RUFY2: variants seen among roughly 807,000 people sequenced by gnomAD.
The protein encoded by RUFY2 is RUN and FYVE domain-containing protein 2.
A neutral mutation model predicts 94.4 loss-of-function variants in RUFY2; 49 were observed. That is an observed-to-expected ratio of 0.52 (90% CI 0.41 to 0.66). The LOEUF is 0.66. Ranked by LOEUF, RUFY2 falls within the 30% of genes least tolerant of loss-of-function variation. The pLI is 0.00. For synonymous variants in RUFY2, 255 were observed against 235.7 expected (o/e 1.08, Z -0.75); for missense variants, 541 against 692.8 (o/e 0.78, Z 2.46).
chr10:68,377,276 C>A (rs1385019951), intron 12 of RUFY2: 3 of 1,162,008 alleles, frequency 2.6e-6, no homozygotes, highest in South Asian at 2.1e-5. Flanking sequence ...CAGAGCATAA[C>A]GAATCAAATT....
rs748208331 is a variant in RUFY2 at position 68,367,967 on chromosome 10, C to CTT, written c.1326-3856_1326-3855dup. ...ACAATGTAGAAATAATGTGGGTTGT[C>CTT]TTTTTTTTTTTTTTTTGAGACGGAG... is the stretch of plus-strand genomic sequence containing the variant. On this transcript the variant is annotated intron_variant, in intron 13 of 17. Transcript: ENST00000602465. Among the ~76,000 whole-genome samples the CTT allele has an allele frequency of 8.4e-4, 117 of 138,984 alleles. 1 individual carries two copies. In the East Asian group the frequency reaches 0.015, roughly 18 times the overall value. 91.2% of individuals were successfully genotyped at this position (138,984 alleles called of 152,430 possible).
At position 68,399,762 on chromosome 10, in the gene RUFY2, C is replaced by T. The variant is rs137903274; in HGVS notation, c.296+1858G>A. ...TAAGATAAACTAAAGGGAGGCTGGG[C>T]GCTGTGGCTCACGCCTGTAATACCA... On this transcript the variant is annotated intron_variant, in intron 3 of 17. Transcript: ENST00000602465. Among the ~76,000 whole-genome samples, 1,244 of 152,242 alleles carry T rather than the reference C, an allele frequency of 8.2e-3. 17 individuals carry two copies. Among genetic ancestry groups the T allele is most frequent in the African/African-American group, 0.028 (1,160 of 41,570 alleles).
intron 11 of RUFY2, 36 bp from the exon 12 acceptor site, chr10:68,379,557 TTG>T (rs772173930): frequency 3.2e-4 from 475 of 1,467,624 alleles, no homozygotes; most frequent in Middle Eastern, 3.6e-4. Flanking sequence ...TGGTTTTGAT[TTG>T]TGTGTGTGTG....
rs2046098927 is a variant in RUFY2, at chr10:68,343,598, A to T, written c.*2170T>A. The T allele has an allele frequency of 6.6e-6, 1 of 152,558 alleles. No individual in the cohort carries two copies. Among genetic ancestry groups the T allele is most frequent in the African/African-American group, 2.4e-5 (1 of 41,442 alleles). The allele number at this position is 152,558 out of a possible 1,614,324, so 9.5% of individuals were successfully genotyped here. ...TATAGGTTAGAAGAATTACAATTGTAATTCCCTGGCACCATGATAGCATTA... is the reference window on the plus strand; with the variant it reads ...TATAGGTTAGAAGAATTACAATTGTTATTCCCTGGCACCATGATAGCATTA... On this transcript the variant is annotated 3_prime_UTR_variant, in exon 18 of 18. Transcript: ENST00000602465.
downstream of RUFY2, chr10:68,341,766 G>A (rs1384924007): frequency 6.2e-7 from 1 of 1,602,430 alleles, no homozygotes. Context: ...AAGATAATCA[G>A]GGAGGCTATG....
chr10:68,343,741 C>T lies in RUFY2; in HGVS notation c.*2027G>A, dbSNP rs928288138. 2.8e-5 allele frequency: 4 copies of T among 144,522 alleles called. No individual in the cohort carries two copies. The highest frequency in any genetic ancestry group is 6.0e-5 in the Non-Finnish European group (4 of 66,826). The allele number at this position is 144,522 out of a possible 1,614,324, so 9.0% of individuals were successfully genotyped here. A position where few individuals can be genotyped will look rare whatever the true frequency, so the allele number is the denominator to read the frequency against. On this transcript the variant is annotated 3_prime_UTR_variant, in exon 18 of 18. Coordinates refer to ENST00000602465, the MANE Select transcript of RUFY2 (RefSeq NM_001330103.2). ...GTTAAAAGTCTTGTAACAGAAAAAT[C>T]CAAAGTTAGTATAGTTTTTAAATAA...
At position 68,345,890 on chromosome 10, in the gene RUFY2, C is replaced by A; in HGVS notation, c.1699G>T (p.Glu567Ter). ...KRKHHCRNCG[E>*]IFCNACSDNE... is the part of the protein sequence containing the mutation. ...TCAGAGCAGGCATTACAGAAAATTT[C>A]CCCACAATTTCTACAGTGGTGCTAT... The change falls in exon 18 of 18, where the codon GAA becomes TAA. Residue 567 changes from glutamate (E) to a stop codon, truncating the protein, a stop_gained. Transcript: ENST00000602465. LOFTEE classifies it high-confidence loss of function. 1 of 1,614,062 alleles carries A rather than the reference C, an allele frequency of 6.2e-7. No homozygotes were observed. The highest frequency in any genetic ancestry group is 8.5e-7 in the Non-Finnish European group (1 of 1,179,996).
intron 13 of RUFY2, among the ~76,000 whole-genome samples, chr10:68,373,603 TA>T (rs1289259181): frequency 2.2e-4 from 33 of 148,080 alleles, no homozygotes; most frequent in East Asian, 1.4e-3. Context: ...CTCCATCTCT[TA>T]AAAAAAAAAA....
At chr10:68,398,801 T>C (rs1394705628) in intron 3 of RUFY2, among the ~76,000 whole-genome samples, 1 of 152,148 alleles carries the variant, frequency 6.6e-6, no homozygotes, top group African/African-American at 2.4e-5. Flanking sequence ...TCACTTCTAA[T>C]AATTAACGCA....
chr10:68,380,719 G>A (rs149130732), intron 11 of RUFY2, among the ~76,000 whole-genome samples: 9 of 151,972 alleles, frequency 5.9e-5, no homozygotes, highest in Middle Eastern at 3.4e-3. Flanking sequence ...AAAATTAGCC[G>A]GGCGTATTGG....
intron 8 of RUFY2, among the ~76,000 whole-genome samples, chr10:68,385,417 A>C (rs1378779177): frequency 2.6e-5 from 4 of 152,136 alleles, no homozygotes; most frequent in African/African-American, 9.7e-5. Context: ...GCAACTCTAC[A>C]AAAAAGAGAG....
chr10:68,370,968 T>A (rs2048228128), intron 13 of RUFY2, among the ~76,000 whole-genome samples: 1 of 151,562 alleles, frequency 6.6e-6, no homozygotes, highest in Admixed American at 6.6e-5. Context: ...CTGTCTCTAC[T>A]AAAAATACAA....
intron 13 of RUFY2, among the ~76,000 whole-genome samples, chr10:68,366,844 AT>A (rs1365025658): frequency 7.2e-6 from 1 of 138,100 alleles, no homozygotes; most frequent in Non-Finnish European, 1.6e-5. Context: ...ATAATATATA[AT>A]ATAAATAAAT....
At chr10:68,400,629 TCGCA>T (rs2050756117) in intron 3 of RUFY2, among the ~76,000 whole-genome samples, 1 of 149,284 alleles carries the variant, frequency 6.7e-6, no homozygotes, top group Non-Finnish European at 1.5e-5. Context: ...TGAGCTGAAA[TCGCA>T]CCACTACACT....
rs552297327 is a variant in RUFY2, at chr10:68,394,512, A to G, written c.399-61T>C. 5 of 1,238,866 alleles carry G rather than the reference A, an allele frequency of 4.0e-6. No homozygotes were observed. The South Asian group carries it at 6.3e-5, about 16-fold the overall frequency. The allele number at this position is 1,238,866 out of a possible 1,614,324, so 76.7% of individuals were successfully genotyped here. On this transcript the variant is annotated intron_variant, in intron 4 of 17. Transcript: ENST00000602465. ...AAATTTATTTCAAAAACTAAAATTT[A>G]AAATCACCATTATCTTCCTAATCTT...
intron 16 of RUFY2, among the ~76,000 whole-genome samples, chr10:68,353,361 G>C (rs935783574): frequency 6.6e-6 from 1 of 150,866 alleles, no homozygotes; most frequent in Admixed American, 6.6e-5. Flanking sequence ...AGCTAGGCGT[G>C]GGGGCAGGTG....
intron 11 of RUFY2, among the ~76,000 whole-genome samples, chr10:68,379,889 G>A (rs1378915278): frequency 6.6e-6 from 1 of 150,936 alleles, no homozygotes; most frequent in African/African-American, 2.4e-5. Context: ...CTCACTGCAA[G>A]CTCCGCCTCT....
Position 68,364,009 on chromosome 10 carries a change from G to C in RUFY2, c.1430C>G (p.Thr477Ser), listed in dbSNP as rs2047638611. ...KDALSHLRNE[T>S]QQIISLKKEF... ...TTTTTTAAGACTAATGATTTGTTGA[G>C]TCTCATTTCTAAGATGAGATAAGGC... Residue 477 changes from threonine to serine, a missense_variant, in exon 14 of 18, where the codon ACT (threonine) becomes AGT (serine). Coordinates refer to ENST00000602465, the MANE Select transcript of RUFY2 (RefSeq NM_001330103.2). 6.2e-7 allele frequency: 1 copy of C among 1,600,794 alleles called. No individual in the cohort carries two copies. Among genetic ancestry groups the C allele is most frequent in the Non-Finnish European group, 8.6e-7 (1 of 1,169,000 alleles).
chr10:68,396,391 C>T (rs2050398547), intron 4 of RUFY2, among the ~76,000 whole-genome samples: 1 of 151,832 alleles, frequency 6.6e-6, no homozygotes, highest in African/African-American at 2.4e-5. Flanking sequence ...AACAAAAAGC[C>T]TATGAAATTA....
Sources: allele counts gnomAD v4.1 joint callset (sites outside exome capture counted in the v4.1 genomes callset), GRCh38; gene constraint gnomAD v4.1.1; transcripts MANE v1.5; gene names NCBI Gene and HGNC (gene_info 2026-07-23, HGNC 2026-07-21).